The following WWOX variants were observed in gnomAD, a reference collection of about 807,000 sequenced individuals.
WWOX encodes WW domain-containing oxidoreductase.
WWOX carries 69 observed loss-of-function variants against 46.2 expected under a neutral mutation model. The ratio of observed to expected loss-of-function variants is 1.49; its 90% CI spans 1.23 to 1.82. WWOX has a LOEUF of 1.82. Among genes scored for constraint, WWOX ranks in the 40% most tolerant of loss-of-function variants. The pLI is 0.00. For missense variants in WWOX, 919 were observed against 542.6 expected (o/e 1.69, Z -6.89); for synonymous variants, 359 against 202.6 (o/e 1.77, Z -6.56).
chr16:78,428,132 G>C (rs993936739), intron 7 of WWOX, among the ~76,000 whole-genome samples: 4 of 152,306 alleles, frequency 2.6e-5, no homozygotes, highest in South Asian at 4.1e-4. Context: ...TTTGTGAGGG[G>C]CGGGGGTCCC....
chr16:78,399,785 C>G (rs909254454), intron 6 of WWOX, among the ~76,000 whole-genome samples: 10 of 152,176 alleles, frequency 6.6e-5, no homozygotes, highest in Admixed American at 2.6e-4. Flanking sequence ...ACTTTGGAAT[C>G]TACACTTACA....
intron 5 of WWOX, among the ~76,000 whole-genome samples, chr16:78,198,579 G>T (rs1047170559): frequency 6.6e-6 from 1 of 152,110 alleles, no homozygotes; most frequent in South Asian, 2.1e-4. Context: ...TGTTTTTGAT[G>T]CTCTCGTGGC....
At position 78,230,149 on chromosome 16, in the gene WWOX, G is replaced by C. The variant is rs1003314002; in HGVS notation, c.516+65860G>C. Among the ~76,000 whole-genome samples the C allele has an allele frequency of 3.3e-4, 43 of 130,960 alleles. 1 individual carries two copies. The highest frequency in any genetic ancestry group is 1.7e-3 in the Admixed American group (21 of 12,004). The allele number at this position is 130,960 out of a possible 152,430, so 85.9% of individuals were successfully genotyped here. On this transcript the variant is annotated intron_variant, in intron 5 of 8. Transcript: ENST00000566780. ...CCCACCTCGGCCTCCCAAAGTGTTGGGATTACAGGCGTGAGCTACCGTGCC... is the reference window on the plus strand; with the variant it reads ...CCCACCTCGGCCTCCCAAAGTGTTGCGATTACAGGCGTGAGCTACCGTGCC...
intron 8 of WWOX, among the ~76,000 whole-genome samples, chr16:78,680,010 C>G (rs543526600): frequency 5.4e-4 from 83 of 152,354 alleles, no homozygotes; most frequent in African/African-American, 1.9e-3. Flanking sequence ...TCCATGCGCT[C>G]CTATCGGTTC....
chr16:78,112,249 T>C (rs539606415), intron 3 of WWOX, among the ~76,000 whole-genome samples: 6 of 152,358 alleles, frequency 3.9e-5, no homozygotes, highest in Admixed American at 2.6e-4. Flanking sequence ...GCATTTTCAC[T>C]GTAGTTGATT....
chr16:78,505,557 T>C (rs1266799880), intron 8 of WWOX, among the ~76,000 whole-genome samples: 2 of 152,122 alleles, frequency 1.3e-5, no homozygotes, highest in African/African-American at 4.8e-5. Flanking sequence ...TCTAGAGAAG[T>C]GCTGGGCTAC....
chr16:79,059,610 C>A (rs2048324368), intron 8 of WWOX, among the ~76,000 whole-genome samples: 1 of 152,152 alleles, frequency 6.6e-6, no homozygotes, highest in African/African-American at 2.4e-5. Context: ...CCTGCCTCAG[C>A]CTGCCTCCCA....
intron 5 of WWOX, among the ~76,000 whole-genome samples, chr16:78,258,193 C>G (rs2038181131): frequency 6.6e-6 from 1 of 152,082 alleles, no homozygotes; most frequent in Non-Finnish European, 1.5e-5. Context: ...TCATATTAGC[C>G]ACTTGTACAA....
chr16:78,459,400 A>T (rs1312465707), intron 8 of WWOX, among the ~76,000 whole-genome samples: 1 of 152,192 alleles, frequency 6.6e-6, no homozygotes, highest in Non-Finnish European at 1.5e-5. Flanking sequence ...CTACAAGTGG[A>T]GCGTGATTTC....
intron 8 of WWOX, among the ~76,000 whole-genome samples, chr16:78,501,542 CTTT>C (rs1174623592): frequency 2.1e-5 from 3 of 145,442 alleles, no homozygotes; most frequent in Non-Finnish European, 1.5e-5. Flanking sequence ...CTTTTTCTTT[CTTT>C]TTTTTTTTTG....
intron 5 of WWOX, among the ~76,000 whole-genome samples, chr16:78,379,251 A>G (rs1597131077): frequency 6.6e-6 from 1 of 152,302 alleles, no homozygotes; most frequent in Non-Finnish European, 1.5e-5. Context: ...CGTATGTGTA[A>G]GGGAGGGGTA....
intron 8 of WWOX, among the ~76,000 whole-genome samples, chr16:79,181,416 T>C (rs1468284225): frequency 6.6e-6 from 1 of 151,746 alleles, no homozygotes; most frequent in Non-Finnish European, 1.5e-5. Context: ...GCAATATATG[T>C]TATTATATAC....
intron 8 of WWOX, among the ~76,000 whole-genome samples, chr16:78,759,864 T>A (rs2142484216): frequency 6.6e-6 from 1 of 152,290 alleles, no homozygotes. Context: ...ATTCCTTTCA[T>A]CTTCCAGTCT....
At chr16:78,919,941 A>G (rs1466652044) in intron 8 of WWOX, among the ~76,000 whole-genome samples, 1 of 152,208 alleles carries the variant, frequency 6.6e-6, no homozygotes, top group Non-Finnish European at 1.5e-5. Flanking sequence ...ATGATCTAGA[A>G]TAATAGACTA....
chr16:78,500,655 A>G (rs980006535), intron 8 of WWOX, among the ~76,000 whole-genome samples: 1 of 152,186 alleles, frequency 6.6e-6, no homozygotes, highest in Non-Finnish European at 1.5e-5. Flanking sequence ...TAGCTTGGGT[A>G]TCATCGTGGT....
intron 6 of WWOX, among the ~76,000 whole-genome samples, chr16:78,410,169 C>T (rs1393637435): frequency 2.0e-5 from 3 of 152,206 alleles, no homozygotes; most frequent in East Asian, 3.9e-4. Flanking sequence ...TGCCTTCCGC[C>T]ATGACTGTAA....
rs189359019 is a variant in WWOX at position 78,653,609 on chromosome 16, C to G, written c.1056+220857C>G. On this transcript the variant is annotated intron_variant, in intron 8 of 8. Coordinates refer to ENST00000566780, the MANE Select transcript of WWOX (RefSeq NM_016373.4). ...CGCAGCCTGGACTAGCAGTTGCCAGCTTGGGTTTGGACAACCTCCGACCTT... is the reference window on the plus strand; with the variant it reads ...CGCAGCCTGGACTAGCAGTTGCCAGGTTGGGTTTGGACAACCTCCGACCTT... Among the ~76,000 whole-genome samples the G allele has an allele frequency of 5.9e-5, 9 of 152,338 alleles. No homozygotes were observed. In the East Asian group the frequency reaches 1.7e-3, roughly 29 times the overall value.
At position 78,733,530 on chromosome 16, in the gene WWOX, G is replaced by A. The variant is rs147737573; in HGVS notation, c.1056+300778G>A. Among the ~76,000 whole-genome samples, 1,347 of 151,250 alleles carry A rather than the reference G, an allele frequency of 8.9e-3. 14 individuals are homozygous for A. Among genetic ancestry groups the A allele is most frequent in the African/African-American group, 0.03 (1,234 of 41,186 alleles). On this transcript the variant is annotated intron_variant, in intron 8 of 8. Coordinates refer to ENST00000566780, the MANE Select transcript of WWOX (RefSeq NM_016373.4). ...TGGGAGGACGAGGTGGGCGGATCAC[G>A]AGGTCAGGAGATCGAGACCAGCCTG...
intron 8 of WWOX, among the ~76,000 whole-genome samples, chr16:78,497,607 C>A (rs898212135): frequency 6.6e-6 from 1 of 152,152 alleles, no homozygotes; most frequent in Admixed American, 6.5e-5. Flanking sequence ...AGCGTAAATG[C>A]AAGAAAAGAA....
Sources: gnomAD v4.1 joint callset for allele counts (sites outside exome capture counted in the v4.1 genomes callset) on GRCh38, gnomAD v4.1.1 for gene constraint, MANE v1.5 for transcripts, NCBI Gene and HGNC (gene_info 2026-07-23, HGNC 2026-07-21) for gene names.